Variants in TAOK3 observed in about 807,000 individuals in gnomAD.
TAOK3 encodes the protein TAO kinase 3, also known as serine/threonine-protein kinase TAO3.
A neutral mutation model predicts 120.4 loss-of-function variants in TAOK3; 40 were observed. The observed-to-expected ratio is 0.33, with a 90% CI of 0.26 to 0.43. TAOK3 has a LOEUF of 0.43. Among genes scored for constraint, TAOK3 ranks in the 20% least tolerant of loss-of-function variants. The probability of loss-of-function intolerance (pLI) is 1.00; values close to 1 mark genes in which losing one functional copy is unlikely to be tolerated. For missense variants in TAOK3, 821 were observed against 1,112.1 expected (o/e 0.74, Z 3.72); for synonymous variants, 355 against 387.5 (o/e 0.92, Z 0.99).
intron 14 of TAOK3, among the ~76,000 whole-genome samples, chr12:118,185,446 G>T (rs2037016663): frequency 6.6e-6 from 1 of 152,066 alleles, no homozygotes; most frequent in East Asian, 1.9e-4. Context: ...CCTCTTAAGA[G>T]ATCAAAGCCA....
chr12:118,191,675 G>C (rs564049112), intron 13 of TAOK3, among the ~76,000 whole-genome samples: 2 of 152,262 alleles, frequency 1.3e-5, no homozygotes, highest in East Asian at 3.9e-4. Flanking sequence ...GTTTTACAGG[G>C]AAGAGCGAGA....
chr12:118,230,766 G>A (rs2039742013), intron 9 of TAOK3, among the ~76,000 whole-genome samples: 1 of 152,112 alleles, frequency 6.6e-6, no homozygotes, highest in Non-Finnish European at 1.5e-5. Flanking sequence ...ACCACGCCCA[G>A]CCTACCTTGT....
chr12:118,204,029 G>A (rs11835933), intron 11 of TAOK3, among the ~76,000 whole-genome samples: 4,589 of 152,164 alleles, frequency 0.03, 194 homozygotes, highest in African/African-American at 0.095. Context: ...ACTTTGGAAG[G>A]CCGAGGCAGG....
intron 1 of TAOK3, among the ~76,000 whole-genome samples, chr12:118,329,178 A>G (rs2044047058): frequency 6.6e-6 from 1 of 152,212 alleles, no homozygotes. Context: ...ACTAATAAAC[A>G]CAACTGACAG....
intron 1 of TAOK3, among the ~76,000 whole-genome samples, chr12:118,269,206 G>A (rs1315266579): frequency 6.8e-6 from 1 of 147,126 alleles, no homozygotes; most frequent in African/African-American, 2.7e-5. Context: ...CTGTTGCCCA[G>A]GCTGGAGTAC....
At chr12:118,158,849 A>G (rs1230466463) in intron 19 of TAOK3, among the ~76,000 whole-genome samples, 1 of 152,136 alleles carries the variant, frequency 6.6e-6, no homozygotes, top group African/African-American at 2.4e-5. Context: ...TTCCCTCAAC[A>G]AGCATCCTAT....
chr12:118,336,586 A>C (rs1425909016), intron 1 of TAOK3, among the ~76,000 whole-genome samples: 1 of 152,204 alleles, frequency 6.6e-6, no homozygotes, highest in Non-Finnish European at 1.5e-5. Context: ...GGAAAGAAAA[A>C]AAAATCAATA....
In TAOK3 at chr12:118,255,673, T is replaced by G; in HGVS notation, c.-88-18A>C. On this transcript the variant is annotated intron_variant, in intron 2 of 20. Coordinates refer to ENST00000392533, the MANE Select transcript of TAOK3 (RefSeq NM_016281.4). ...TTCAGTACCTGTAGAAAAATAAGGT[T>G]TGCCATTAAATTATTTCTAACACAT... 8.2e-7 allele frequency: 1 copy of G among 1,224,968 alleles called. No homozygotes were observed. The allele number at this position is 1,224,968 out of a possible 1,614,324, so 75.9% of individuals were successfully genotyped here.
In TAOK3 at chr12:118,244,527, C is replaced by CTTTT. The variant is rs377072006; in HGVS notation, c.192+363_192+366dup. Among the ~76,000 whole-genome samples the CTTTT allele has an allele frequency of 6.2e-4, 80 of 129,570 alleles. 15 individuals carry two copies. Among genetic ancestry groups the CTTTT allele is most frequent in the South Asian group, 7.2e-4 (3 of 4,148 alleles). 85.0% of individuals were successfully genotyped at this position (129,570 alleles called of 152,430 possible). Reference sequence around the variant, plus strand: ...AAAGAATTTTGTTAATTTCTTTTTTCTTTTTCTTTTTTTTTTTTTGAGACA... The same window carrying CTTTT: ...AAAGAATTTTGTTAATTTCTTTTTTCTTTTTTTTTCTTTTTTTTTTTTTGAGACA... On this transcript the variant is annotated intron_variant, in intron 4 of 20. Coordinates refer to ENST00000392533, the MANE Select transcript of TAOK3 (RefSeq NM_016281.4).
At chr12:118,159,024 G>GA (rs2035033103) in intron 19 of TAOK3, among the ~76,000 whole-genome samples, 1 of 152,042 alleles carries the variant, frequency 6.6e-6, no homozygotes, top group African/African-American at 2.4e-5. Context: ...AAGCTTCACC[G>GA]AATTACCAGG....
At chr12:118,208,081 A>G (rs1473269796) in intron 11 of TAOK3, among the ~76,000 whole-genome samples, 2 of 152,200 alleles carry the variant, frequency 1.3e-5, no homozygotes, top group African/African-American at 4.8e-5. Flanking sequence ...TTGGAAAGAT[A>G]AGGAAATTAG....
chr12:118,360,567 CAAA>C (rs34592832), intron 1 of TAOK3, among the ~76,000 whole-genome samples: 1 of 86,348 alleles, frequency 1.2e-5, no homozygotes, highest in African/African-American at 4.7e-5. Context: ...GACTCCGTCT[CAAA>C]AAAAAAAAAA....
intron 9 of TAOK3, among the ~76,000 whole-genome samples, chr12:118,230,025 C>G (rs758354205): frequency 2.0e-5 from 3 of 152,102 alleles, no homozygotes; most frequent in Non-Finnish European, 2.9e-5. Context: ...CATAACAACC[C>G]CACAAAGTGG....
intron 1 of TAOK3, among the ~76,000 whole-genome samples, chr12:118,354,063 T>C (rs933216104): frequency 1.3e-5 from 2 of 152,196 alleles, no homozygotes; most frequent in Non-Finnish European, 2.9e-5. Context: ...GAGTCTCAGA[T>C]TGTGAGAACG....
chr12:118,335,136 G>A (rs1018039008), intron 1 of TAOK3, among the ~76,000 whole-genome samples: 2 of 149,828 alleles, frequency 1.3e-5, no homozygotes, highest in African/African-American at 2.5e-5. Flanking sequence ...GTGAGCCAAG[G>A]TTGCGCCATC....
chr12:118,208,307 C>A (rs773999655), intron 11 of TAOK3, among the ~76,000 whole-genome samples: 4 of 151,994 alleles, frequency 2.6e-5, no homozygotes, highest in Non-Finnish European at 5.9e-5. Flanking sequence ...AAGTAGATAG[C>A]TTAGCTGGGG....
At chr12:118,254,333 T>C (rs997375537) in intron 3 of TAOK3, among the ~76,000 whole-genome samples, 7 of 151,638 alleles carry the variant, frequency 4.6e-5, no homozygotes, top group South Asian at 2.1e-4. Flanking sequence ...CATCCATCCA[T>C]CCACCCATCC....
At chr12:118,222,193 G>A (rs1004317971) in intron 9 of TAOK3, among the ~76,000 whole-genome samples, 29 of 152,020 alleles carry the variant, frequency 1.9e-4, no homozygotes, top group African/African-American at 6.8e-4. Context: ...TTTACAAACG[G>A]AAAGATATGG....
chr12:118,152,322 T>C lies in TAOK3; in HGVS notation c.2440A>G (p.Ser814Gly), dbSNP rs762476899. Residue 814 changes from serine (S) to glycine (G), a missense_variant, in exon 20 of 21, where the codon AGC becomes GGC. By Grantham distance (56) the Ser-to-Gly change is moderately conservative. This residue lies in a region of TAOK3 where 354 missense variants were observed against 572.1 expected (regional missense o/e 0.62). Coordinates refer to ENST00000392533, the MANE Select transcript of TAOK3 (RefSeq NM_016281.4). ...QEMELLNAYQ[S>G]KIKMQTEAQH... ...GCCTCTGTTTGCATCTTGATTTTGC[T>C]CTGGTAGGCGTTGAGCAGCTCCATT... The C allele has an allele frequency of 1.9e-6, 3 of 1,614,188 alleles. No individual in the cohort carries two copies. Among genetic ancestry groups the C allele is most frequent in the Non-Finnish European group, 2.5e-6 (3 of 1,180,040 alleles).
Sources: allele counts gnomAD v4.1 joint callset (sites outside exome capture counted in the v4.1 genomes callset), GRCh38; gene constraint gnomAD v4.1.1; regional missense constraint gnomAD v4.1.1; transcripts MANE v1.5; gene names NCBI Gene and HGNC (gene_info 2026-07-23, HGNC 2026-07-21).